The following TMEM132D variants were observed in gnomAD, a reference collection of about 807,000 sequenced individuals.
TMEM132D encodes transmembrane protein 132D.
In TMEM132D, 21 loss-of-function variants were observed where a neutral mutation model predicts 62.3. That is an observed-to-expected ratio of 0.34 (90% CI 0.24 to 0.49). TMEM132D has a LOEUF of 0.49. TMEM132D is among the 20% of genes least tolerant of loss of function. The pLI is 0.99. For synonymous variants in TMEM132D, 621 were observed against 575.6 expected (o/e 1.08, Z -1.13); for missense variants, 1,346 against 1,402.8 (o/e 0.96, Z 0.65).
intron 3 of TMEM132D, among the ~76,000 whole-genome samples, chr12:129,481,908 T>G (rs1874440855): frequency 6.6e-6 from 1 of 152,216 alleles, no homozygotes; most frequent in Non-Finnish European, 1.5e-5. Flanking sequence ...ACATTGGTAT[T>G]GGGCTTGGCC....
chr12:129,199,322 G>A (rs557144442), intron 5 of TMEM132D, among the ~76,000 whole-genome samples: 3 of 152,108 alleles, frequency 2.0e-5, no homozygotes, highest in Admixed American at 6.5e-5. Flanking sequence ...GGCTGGTCTC[G>A]AACTCCTGAG....
chr12:129,571,019 T>C (rs564198230), intron 2 of TMEM132D, among the ~76,000 whole-genome samples: 1 of 152,250 alleles, frequency 6.6e-6, no homozygotes, highest in South Asian at 2.1e-4. Flanking sequence ...GAGGGGCTGA[T>C]GGGTCAGAAA....
intron 4 of TMEM132D, among the ~76,000 whole-genome samples, chr12:129,333,026 C>T (rs1869159855): frequency 1.3e-5 from 2 of 151,910 alleles, no homozygotes; most frequent in African/African-American, 4.8e-5. Context: ...TGACTTCTAC[C>T]ATAATAAAAA....
intron 1 of TMEM132D, among the ~76,000 whole-genome samples, chr12:129,721,363 C>T (rs1164941226): frequency 6.6e-6 from 1 of 151,712 alleles, no homozygotes; most frequent in African/African-American, 2.4e-5. Flanking sequence ...TTATGGGATG[C>T]AAAAAAGGGT....
intron 5 of TMEM132D, among the ~76,000 whole-genome samples, chr12:129,163,494 A>G (rs1877455826): frequency 6.6e-6 from 1 of 152,152 alleles, no homozygotes; most frequent in African/African-American, 2.4e-5. Context: ...GGCCACTGGA[A>G]GGCATTGACA....
rs551064653 is a variant in TMEM132D, at chr12:129,702,336, CA to C, written c.80-1639del. Among the ~76,000 whole-genome samples, 143 of 151,344 alleles carry C rather than the reference CA, an allele frequency of 9.4e-4. 1 individual carries two copies. The highest frequency in any genetic ancestry group is 2.9e-3 in the African/African-American group (118 of 41,322). The stretch of plus-strand genomic sequence containing the variant: ...ATAAATATGGATTGTTTTCAAAAAT[CA>C]AAATATCATAGATATAAAAAGGGAC... On this transcript the variant is annotated intron_variant, in intron 1 of 8. Transcript: ENST00000422113.
intron 4 of TMEM132D, among the ~76,000 whole-genome samples, chr12:129,255,896 C>A (rs759822857): frequency 6.6e-6 from 1 of 152,166 alleles, no homozygotes; most frequent in Non-Finnish European, 1.5e-5. Context: ...ATTCAAGAAC[C>A]AATTGCTATG....
intron 5 of TMEM132D, among the ~76,000 whole-genome samples, chr12:129,087,695 C>G (rs1874664380): frequency 6.6e-6 from 1 of 152,166 alleles, no homozygotes. Context: ...TGATGTCGGC[C>G]CAGTGGAGCT....
At chr12:129,730,577 C>T (rs866236716) in intron 1 of TMEM132D, among the ~76,000 whole-genome samples, 3 of 152,042 alleles carry the variant, frequency 2.0e-5, no homozygotes, top group Admixed American at 1.3e-4. Flanking sequence ...TAATAATGAG[C>T]GTCAACTTGA....
intron 3 of TMEM132D, among the ~76,000 whole-genome samples, chr12:129,461,210 G>A (rs1873656933): frequency 6.6e-6 from 1 of 152,168 alleles, no homozygotes; most frequent in Non-Finnish European, 1.5e-5. Flanking sequence ...ACAGAGGCTT[G>A]CAGCTCAAGA....
chr12:129,813,790 G>A (rs562128107), intron 1 of TMEM132D, among the ~76,000 whole-genome samples: 10 of 152,026 alleles, frequency 6.6e-5, no homozygotes, highest in South Asian at 6.3e-4. Flanking sequence ...ATGGTATTGC[G>A]TGCCTAGAAA....
intron 1 of TMEM132D, among the ~76,000 whole-genome samples, chr12:129,900,796 A>G (rs1875326823): frequency 6.6e-6 from 1 of 152,186 alleles, no homozygotes; most frequent in Non-Finnish European, 1.5e-5. Flanking sequence ...TTAAACATTT[A>G]AGGCCATTCC....
At chr12:129,418,535 G>T (rs1872197101) in intron 3 of TMEM132D, among the ~76,000 whole-genome samples, 2 of 151,932 alleles carry the variant, frequency 1.3e-5, no homozygotes, top group South Asian at 4.2e-4. Context: ...ACAGGGAGGG[G>T]AACATCACAC....
chr12:129,117,660 A>G (rs536769450), intron 5 of TMEM132D, among the ~76,000 whole-genome samples: 1 of 152,260 alleles, frequency 6.6e-6, no homozygotes, highest in African/African-American at 2.4e-5. Flanking sequence ...TGCCCTGGGT[A>G]TTCTAACTCA....
chr12:129,244,628 T>TTTTTG lies in TMEM132D; in HGVS notation c.1300-34970_1300-34966dup, dbSNP rs528876499. Among the ~76,000 whole-genome samples the TTTTTG allele has an allele frequency of 7.1e-3, 1,080 of 152,038 alleles. 15 individuals carry two copies. The highest frequency in any genetic ancestry group is 0.024 in the African/African-American group (987 of 41,440). On this transcript the variant is annotated intron_variant, in intron 4 of 8. Transcript: ENST00000422113. ...TTATGTTTGTTTGTTTTTTGTTTTATTTTTGTTTTGTTTTGTTTTGTTTTG... is the reference window on the plus strand; with the variant it reads ...TTATGTTTGTTTGTTTTTTGTTTTATTTTTGTTTTGTTTTGTTTTGTTTTGTTTTG...
intron 4 of TMEM132D, among the ~76,000 whole-genome samples, chr12:129,218,340 G>A (rs1593299888): frequency 2.6e-5 from 4 of 152,302 alleles, no homozygotes; most frequent in Middle Eastern, 6.8e-3. Flanking sequence ...TTTCATCGTT[G>A]TGTGAACATC....
chr12:129,287,703 C>A (rs1032772539), intron 4 of TMEM132D, among the ~76,000 whole-genome samples: 1 of 150,366 alleles, frequency 6.7e-6, no homozygotes, highest in African/African-American at 2.4e-5. Context: ...TCTGATGCTC[C>A]GAGAACTGCC....
intron 5 of TMEM132D, chr12:129,085,816 G>C (rs1874600020): frequency 6.6e-6 from 1 of 152,260 alleles, no homozygotes. Context: ...GCGCTGATGG[G>C]AAGAAGCAAG....
chr12:129,662,812 A>AAAG (rs1555224287), intron 2 of TMEM132D, among the ~76,000 whole-genome samples: 3 of 83,396 alleles, frequency 3.6e-5, no homozygotes, highest in South Asian at 4.7e-4. Context: ...AAAAAAAAAA[A>AAAG]AGAGAGAGAG....
Sources: gnomAD v4.1 joint callset for allele counts (sites outside exome capture counted in the v4.1 genomes callset) on GRCh38, gnomAD v4.1.1 for gene constraint, MANE v1.5 for transcripts, NCBI Gene and HGNC (gene_info 2026-07-23, HGNC 2026-07-21) for gene names.